Variants in TMPRSS6 observed in about 807,000 individuals in gnomAD.
TMPRSS6 encodes transmembrane protease serine 6.
Under a neutral mutation model 101.5 loss-of-function variants are expected in TMPRSS6, and 67 were observed. That is an observed-to-expected ratio of 0.66 (90% CI 0.54 to 0.81). The LOEUF (loss-of-function observed/expected upper bound fraction) is 0.81, where lower values mean the gene tolerates loss of function less well. TMPRSS6 is among the 30% of genes least tolerant of loss of function. TMPRSS6 has a pLI of 0.00. For missense variants in TMPRSS6, 1,034 were observed against 1,088.7 expected, an observed-to-expected ratio of 0.95 and a Z score of 0.71; for synonymous variants, 453 against 464.9, an observed-to-expected ratio of 0.97 and a Z score of 0.33.
Position 37,086,395 on chromosome 22 carries a change from C to T in TMPRSS6, c.861G>A (p.Glu287=), listed in dbSNP as rs769536649. Residue 287 remains glutamate (E), a synonymous_variant, in exon 8 of 18, where the codon GAG becomes GAA. Coordinates refer to ENST00000676104, the MANE Select transcript of TMPRSS6 (RefSeq NM_001374504.1). ...CCGACGCCAGAACCTCCACCACGGGCTCCTGGCGGCTGCAGCCGTACACCC... is the reference window on the plus strand; with the variant it reads ...CCGACGCCAGAACCTCCACCACGGGTTCCTGGCGGCTGCAGCCGTACACCC... ...ITSVYGCSRQ[E]PVVEVLASGA... is the part of the protein sequence containing the mutation. 2 of 1,599,312 alleles carry T rather than the reference C, an allele frequency of 1.3e-6. No homozygotes were observed. Among genetic ancestry groups the T allele is most frequent in the Non-Finnish European group, 1.7e-6 (2 of 1,173,080 alleles).
chr22:37,088,467 T>C (rs1055627694), intron 7 of TMPRSS6, among the ~76,000 whole-genome samples: 1 of 152,110 alleles, frequency 6.6e-6, no homozygotes, highest in South Asian at 2.1e-4. Context: ...AAGTGCTCAA[T>C]AAACAATCGC....
intron 3 of TMPRSS6, among the ~76,000 whole-genome samples, chr22:37,098,048 C>A (rs1929972515): frequency 6.9e-6 from 1 of 144,378 alleles, no homozygotes; most frequent in Non-Finnish European, 1.5e-5. Flanking sequence ...CGGCCACCGT[C>A]CTGTAACGGA....
rs144952814 is a variant in TMPRSS6, at chr22:37,084,799, G to A, written c.1014C>T (p.Ser338=). 275 of 1,562,404 alleles carry A rather than the reference G, an allele frequency of 1.8e-4. No homozygotes were observed. The highest frequency in any genetic ancestry group is 2.3e-4 in the Non-Finnish European group (268 of 1,152,654). The change falls in exon 9 of 18, where the codon TCC becomes TCT. Residue 338 remains serine (S), a synonymous_variant. Transcript: ENST00000676104. The part of the protein sequence containing the change: ...VNLTLDNRLD[S]QGVLSTPYFP... ...AGTACGGGGTGCTGAGGACGCCCTG[G>A]GAGTCGAGCCTGTTGTCCAGCGTCA...
chr22:37,095,888 T>C lies in TMPRSS6; in HGVS notation c.589+18A>G. 6.2e-7 allele frequency: 1 copy of C among 1,613,812 alleles called. No individual in the cohort carries two copies. Among genetic ancestry groups the C allele is most frequent in the Non-Finnish European group, 8.5e-7 (1 of 1,179,820 alleles). On this transcript the variant is annotated intron_variant, in intron 5 of 17. Transcript: ENST00000676104. ...AACCTCATGAGGCCAACCCCACGTT[T>C]CCACTCGCAGTACTGACCCAGGATC... is the stretch of plus-strand genomic sequence containing the variant.
At chr22:37,088,239 C>T (rs1004988989) in intron 7 of TMPRSS6, among the ~76,000 whole-genome samples, 13 of 152,106 alleles carry the variant, frequency 8.5e-5, no homozygotes, top group South Asian at 2.1e-4. Flanking sequence ...ACGCACATGC[C>T]GCAGATCGAG....
chr22:37,078,967 GAAAGAA>G (rs764912520), intron 10 of TMPRSS6, among the ~76,000 whole-genome samples: 2,597 of 83,674 alleles, frequency 0.031, 43 homozygotes, highest in Middle Eastern at 0.051. Context: ...GAGAAAGAAA[GAAAGAA>G]AAAGAAAGAA....
chr22:37,081,035 G>C (rs868097147), intron 10 of TMPRSS6, among the ~76,000 whole-genome samples: 10 of 152,252 alleles, frequency 6.6e-5, no homozygotes, highest in Admixed American at 1.3e-4. Context: ...GGCTCAAAGA[G>C]CTGGGTGACT....
chr22:37,082,642 C>G (rs930047365), intron 10 of TMPRSS6: 9 of 241,702 alleles, frequency 3.7e-5, no homozygotes, highest in East Asian at 1.3e-4. Flanking sequence ...GCTACAGAAG[C>G]CTTCTGCTCT....
chr22:37,097,590 C>G (rs1929873239), intron 3 of TMPRSS6, among the ~76,000 whole-genome samples: 1 of 152,268 alleles, frequency 6.6e-6, no homozygotes, highest in Non-Finnish European at 1.5e-5. Flanking sequence ...GTCCTGCAGC[C>G]TGAGAGTGGC....
intron 13 of TMPRSS6, 41 bp from the exon 14 acceptor site, chr22:37,071,073 C>T (rs756569046): frequency 6.3e-7 from 1 of 1,579,152 alleles, no homozygotes; most frequent in South Asian, 1.1e-5. Context: ...GAAGGTGGGT[C>T]TCTGAGCCCC....
At chr22:37,110,201 T>G (rs112611486), upstream of TMPRSS6, among the ~76,000 whole-genome samples, 176 of 143,126 alleles carry the variant, frequency 1.2e-3, 1 homozygote, top group Admixed American at 2.2e-3. Context: ...TAGAGTGCAG[T>G]GGTGTGATTT....
At chr22:37,070,235 T>C (rs1926756416) in intron 15 of TMPRSS6, among the ~76,000 whole-genome samples, 1 of 152,066 alleles carries the variant, frequency 6.6e-6, no homozygotes, top group Non-Finnish European at 1.5e-5. Context: ...GTGAATGAGA[T>C]GAATGAATGA....
At chr22:37,084,046 G>T (rs958149985) in intron 10 of TMPRSS6, 1 of 594,236 alleles carries the variant, frequency 1.7e-6, no homozygotes, top group Non-Finnish European at 3.1e-6. Flanking sequence ...AACATCCAAG[G>T]TGTCTGATGA....
intron 6 of TMPRSS6, among the ~76,000 whole-genome samples, chr22:37,093,065 T>C (rs1929412081): frequency 6.6e-6 from 1 of 152,198 alleles, no homozygotes; most frequent in African/African-American, 2.4e-5. Flanking sequence ...GTCATCCTGG[T>C]GTCCTCAGCG....
intron 8 of TMPRSS6, among the ~76,000 whole-genome samples, chr22:37,085,646 G>T (rs903645328): frequency 6.6e-6 from 1 of 152,154 alleles, no homozygotes; most frequent in Non-Finnish European, 1.5e-5. Flanking sequence ...GTCCCATGCG[G>T]GGTGGGACGT....
Position 37,103,263 on chromosome 22 carries a change from G to A in TMPRSS6, c.155C>T (p.Ala52Val). Residue 52 changes from alanine to valine, a missense_variant, in exon 2 of 18, where the codon GCC (alanine) becomes GTC (valine). By Grantham distance (64) the Ala-to-Val change is moderately conservative. Transcript: ENST00000676104. The surrounding 1 kb of genome is among the most constrained non-coding windows in gnomAD (Gnocchi z 4.4). The part of the protein sequence containing the change: ...LRLVPLFVLL[A>V]LLVLASAGVL... ...CCCCGCCGAAGCCAGCACGAGCAGG[G>A]CCAGCAGCACAAACAGGGGCACCAG... 1.9e-6 allele frequency: 3 copies of A among 1,614,104 alleles called. No individual in the cohort carries two copies. The highest frequency in any genetic ancestry group is 2.5e-6 in the Non-Finnish European group (3 of 1,179,960).
At chr22:37,105,371 CGGGT>C (rs952416594) in intron 1 of TMPRSS6, among the ~76,000 whole-genome samples, 1 of 152,334 alleles carries the variant, frequency 6.6e-6, no homozygotes, top group African/African-American at 2.4e-5. Flanking sequence ...CGTCCGGCAA[CGGGT>C]GGGACAGCCC....
At chr22:37,092,853 A>C (rs145662160) in intron 6 of TMPRSS6, among the ~76,000 whole-genome samples, 2,338 of 152,300 alleles carry the variant, frequency 0.015, 75 homozygotes, top group African/African-American at 0.053. Context: ...AGTCAGGAGC[A>C]ACCCCTCCCT....
Position 37,086,433 on chromosome 22 carries a change from A to C in TMPRSS6, c.837-14T>G, listed in dbSNP as rs1569013166. The C allele has an allele frequency of 7.0e-6, 11 of 1,567,472 alleles. No individual in the cohort carries two copies. The highest frequency in any genetic ancestry group is 9.5e-6 in the Non-Finnish European group (11 of 1,155,884). On this transcript the variant is annotated splice_polypyrimidine_tract_variant and intron_variant, in intron 7 of 17. Coordinates refer to ENST00000676104, the MANE Select transcript of TMPRSS6 (RefSeq NM_001374504.1). ...CAGCCGTACACCCTGGCAGAACAGAAAGGTGGCAAGGCTGGGCTGGGGTCT... is the reference window on the plus strand; with the variant it reads ...CAGCCGTACACCCTGGCAGAACAGACAGGTGGCAAGGCTGGGCTGGGGTCT...
Sources: allele counts gnomAD v4.1 joint callset (sites outside exome capture counted in the v4.1 genomes callset), GRCh38; gene constraint gnomAD v4.1.1; non-coding constraint Gnocchi (gnomAD v3.1); transcripts MANE v1.5; gene names NCBI Gene and HGNC (gene_info 2026-07-23, HGNC 2026-07-21).